SULT1E1: variants seen among roughly 807,000 people sequenced by gnomAD.
The protein encoded by SULT1E1 is sulfotransferase 1E1.
Under a neutral mutation model 33.6 loss-of-function variants are expected in SULT1E1, and 36 were observed. The observed-to-expected ratio is 1.07, with a 90% CI of 0.82 to 1.41. The LOEUF is 1.41. Among genes scored for constraint, SULT1E1 ranks in the 40% most tolerant of loss-of-function variants. The pLI is 0.00. For missense variants in SULT1E1, 371 were observed against 345.7 expected (o/e 1.07, Z -0.58); for synonymous variants, 121 against 111.7 (o/e 1.08, Z -0.53).
chr4:69,844,229 G>A lies in SULT1E1; in HGVS notation c.704C>T (p.Pro235Leu). Residue 235 changes from proline to leucine, a missense_variant, in exon 7 of 8, where the codon CCA becomes CTA. By Grantham distance (98) the Pro-to-Leu change is moderately conservative. Coordinates refer to ENST00000226444, the MANE Select transcript of SULT1E1 (RefSeq NM_005420.3). ...TGGCAGTGTTGTGTAATTTGTGGAT[G>A]GATTGTTCTTCATCTCTTGGAACGA... ...HTSFQEMKNN[P>L]STNYTTLPDE... is the part of the protein sequence containing the mutation. 1 of 1,613,872 alleles carries A rather than the reference G, an allele frequency of 6.2e-7. No homozygotes were observed. The highest frequency in any genetic ancestry group is 8.5e-7 in the Non-Finnish European group (1 of 1,179,860).
chr4:69,844,109 C>G (rs1368354835), intron 7 of SULT1E1, 52 bp downstream of exon 7: 2 of 1,578,686 alleles, frequency 1.3e-6, no homozygotes, highest in Non-Finnish European at 1.7e-6. Context: ...TGCCTATAAC[C>G]ATGTCACCTT....
intron 1 of SULT1E1, among the ~76,000 whole-genome samples, chr4:69,859,177 G>A (rs1429587201): frequency 6.6e-6 from 1 of 151,998 alleles, no homozygotes; most frequent in Non-Finnish European, 1.5e-5. Flanking sequence ...CAAAAAAGTT[G>A]TTAAAATTGT....
In SULT1E1 at chr4:69,847,696, A is replaced by T. The variant is rs1255933023; in HGVS notation, c.591+2T>A. The T allele has an allele frequency of 1.3e-6, 2 of 1,591,732 alleles. No homozygotes were observed. Among genetic ancestry groups the T allele is most frequent in the Admixed American group, 3.5e-5 (2 of 57,706 alleles). ...GTTGCTTATGTGTTCCCAGTTCCTC[A>T]CCTCTTTCAGGTCTTCGTAGAAAAG... On this transcript the variant is annotated splice_donor_variant, in intron 6 of 7. Coordinates refer to ENST00000226444, the MANE Select transcript of SULT1E1 (RefSeq NM_005420.3). LOFTEE classifies it high-confidence loss of function.
chr4:69,847,622 T>C, intron 6 of SULT1E1, 76 bp downstream of exon 6: 6 of 975,744 alleles, frequency 6.1e-6, no homozygotes, highest in Non-Finnish European at 9.1e-6. Flanking sequence ...TAAAGGAATA[T>C]TTTTGTATCC....
At chr4:69,843,641 C>T (rs1350669759) in intron 7 of SULT1E1, among the ~76,000 whole-genome samples, 1 of 152,158 alleles carries the variant, frequency 6.6e-6, no homozygotes, top group Non-Finnish European at 1.5e-5. Context: ...TGTCTCCCCC[C>T]AAATAGAATT....
At chr4:69,857,796 T>A (rs1266751208) in intron 1 of SULT1E1, 143 bp from the exon 2 acceptor site, 2 of 625,158 alleles carry the variant, frequency 3.2e-6, no homozygotes, top group East Asian at 3.0e-5. Flanking sequence ...TAAAGTTGCA[T>A]ATCAAATAGT....
chr4:69,857,147 T>A lies in SULT1E1; in HGVS notation c.145+353A>T, dbSNP rs552235052. Among the ~76,000 whole-genome samples the A allele has an allele frequency of 2.6e-5, 4 of 152,168 alleles. No homozygotes were observed. The South Asian group carries it at 8.3e-4, about 32-fold the overall frequency. ...AAGGGCTGGTGAGCTGAAAGAGAGT[T>A]TTAGAGTACCTGTAAAAATGGTGGT... On this transcript the variant is annotated intron_variant, in intron 2 of 7. Coordinates refer to ENST00000226444, the MANE Select transcript of SULT1E1 (RefSeq NM_005420.3).
At chr4:69,846,232 T>G (rs1308151242) in intron 6 of SULT1E1, among the ~76,000 whole-genome samples, 3 of 147,482 alleles carry the variant, frequency 2.0e-5, no homozygotes, top group Admixed American at 6.8e-5. Flanking sequence ...AATAGAACAT[T>G]CACAGTTTTC....
At position 69,855,405 on chromosome 4, in the gene SULT1E1, A is replaced by AT. The variant is rs759007212; in HGVS notation, c.166dup (p.Ile56AsnfsTer7). On this transcript the variant is annotated frameshift_variant, in exon 3 of 8. Transcript: ENST00000226444. LOFTEE classifies it high-confidence loss of function. ...ACCCTCTTTATAGATCATATACACA[A>AT]TTTCACTAACCCAGGTTGTACCTGT... 1 of 1,611,648 alleles carries AT rather than the reference A, an allele frequency of 6.2e-7. No homozygotes were observed. The highest frequency in any genetic ancestry group is 2.2e-5 in the East Asian group (1 of 44,772).
chr4:69,855,267 T>C (rs562945563), intron 3 of SULT1E1, 34 bp downstream of exon 3: 9 of 1,598,004 alleles, frequency 5.6e-6, no homozygotes, highest in South Asian at 3.4e-5. Flanking sequence ...TTAGAATATA[T>C]GCAAATAGTT....
the SULT1E1 span, among the ~76,000 whole-genome samples, chr4:69,829,920 G>A: frequency 1.3e-5 from 2 of 152,124 alleles, no homozygotes; most frequent in Non-Finnish European, 2.9e-5. Flanking sequence ...GATGGAGCCT[G>A]GTCTGTCCTA....
the SULT1E1 span, among the ~76,000 whole-genome samples, chr4:69,831,500 C>T: frequency 6.6e-6 from 1 of 152,188 alleles, no homozygotes; most frequent in Non-Finnish European, 1.5e-5. Context: ...ATAATATCCT[C>T]GGCCAGCCAA....
At chr4:69,846,766 A>G (rs957362645) in intron 6 of SULT1E1, among the ~76,000 whole-genome samples, 2 of 151,704 alleles carry the variant, frequency 1.3e-5, no homozygotes, top group Admixed American at 6.6e-5. Flanking sequence ...ACATTCTAAT[A>G]TTTGTTATTG....
the SULT1E1 span, among the ~76,000 whole-genome samples, chr4:69,828,887 G>A: frequency 6.6e-6 from 1 of 152,150 alleles, no homozygotes. Context: ...GCTGCTAGAA[G>A]GAGATCATCA....
chr4:69,854,420 G>A, intron 3 of SULT1E1, 106 bp from the exon 4 acceptor site: 1 of 693,838 alleles, frequency 1.4e-6, no homozygotes. Context: ...ATTCTATATT[G>A]TAATTAGATT....
At chr4:69,830,875 C>A in the SULT1E1 span, among the ~76,000 whole-genome samples, 6 of 152,164 alleles carry the variant, frequency 3.9e-5, no homozygotes, top group Admixed American at 2.6e-4. Context: ...TTCATGAGAT[C>A]AGTGATTGAA....
intron 5 of SULT1E1, 95 bp from the exon 6 acceptor site, chr4:69,847,887 AATAG>A: frequency 1.5e-6 from 1 of 662,318 alleles, no homozygotes; most frequent in Non-Finnish European, 2.6e-6. Context: ...AATAAATATA[AATAG>A]ATAATCATGA....
At chr4:69,847,845 C>G (rs531071708) in intron 5 of SULT1E1, 53 bp from the exon 6 acceptor site, 3 of 1,027,408 alleles carry the variant, frequency 2.9e-6, no homozygotes, top group Non-Finnish European at 4.4e-6. Context: ...TAAAACTGCT[C>G]GAAAACTAGT....
At chr4:69,823,593 C>T in the SULT1E1 span, among the ~76,000 whole-genome samples, 9 of 152,240 alleles carry the variant, frequency 5.9e-5, no homozygotes, top group South Asian at 1.0e-3. Flanking sequence ...GTGGCCCATA[C>T]GGTGTCTAAG....
Sources: gnomAD v4.1 joint callset for allele counts (sites outside exome capture counted in the v4.1 genomes callset) on GRCh38, gnomAD v4.1.1 for gene constraint, MANE v1.5 for transcripts, NCBI Gene and HGNC (gene_info 2026-07-23, HGNC 2026-07-21) for gene names.